The following MGMT variants were observed in gnomAD, a reference collection of about 807,000 sequenced individuals.
MGMT encodes the protein O-6-methylguanine-DNA methyltransferase.
In MGMT, 14 loss-of-function variants were observed where a neutral mutation model predicts 15.9. The ratio of observed to expected loss-of-function variants is 0.88; its 90% CI spans 0.58 to 1.37. The LOEUF is 1.37. MGMT is among the 40% of genes most tolerant of loss of function. The probability of loss-of-function intolerance (pLI) is 0.00; values close to 1 mark genes in which losing one functional copy is unlikely to be tolerated. For synonymous variants in MGMT, 130 were observed against 118.2 expected, an observed-to-expected ratio of 1.10 and a Z score of -0.65; for missense variants, 282 against 268.1, an observed-to-expected ratio of 1.05 and a Z score of -0.36.
At chr10:129,711,720 A>G (rs554601264) in intron 3 of MGMT, among the ~76,000 whole-genome samples, 4 of 152,270 alleles carry the variant, frequency 2.6e-5, no homozygotes, top group East Asian at 1.9e-4. Flanking sequence ...TGTGTGACCG[A>G]GGGCTAGCAT....
chr10:129,517,622 A>G (rs774030503), intron 1 of MGMT, among the ~76,000 whole-genome samples: 6 of 152,200 alleles, frequency 3.9e-5, no homozygotes, highest in Non-Finnish European at 8.8e-5. Flanking sequence ...ATGAGGCCGT[A>G]TGTCGCACAA....
chr10:129,529,012 G>A (rs983499792), intron 1 of MGMT, among the ~76,000 whole-genome samples: 3 of 152,100 alleles, frequency 2.0e-5, no homozygotes, highest in Non-Finnish European at 4.4e-5. Flanking sequence ...AGAAAGAAGG[G>A]GTGGAGGTGG....
intron 2 of MGMT, among the ~76,000 whole-genome samples, chr10:129,563,202 A>G (rs942266466): frequency 1.3e-5 from 2 of 152,228 alleles, no homozygotes; most frequent in Non-Finnish European, 2.9e-5. Flanking sequence ...TAGCCCCATC[A>G]TAAGTCGAGG....
chr10:129,608,376 G>T (rs949916576), intron 2 of MGMT, among the ~76,000 whole-genome samples: 1 of 152,226 alleles, frequency 6.6e-6, no homozygotes, highest in Non-Finnish European at 1.5e-5. Context: ...CGCCGCAGCT[G>T]CGTCGGTGGG....
intron 2 of MGMT, among the ~76,000 whole-genome samples, chr10:129,622,476 T>C (rs67699430): frequency 0.25 from 37,391 of 152,204 alleles, 4,856 homozygotes; most frequent in Non-Finnish European, 0.28. Flanking sequence ...TTACACGGTA[T>C]TGAATCATGT....
chr10:129,588,779 A>G (rs951105582), intron 2 of MGMT, among the ~76,000 whole-genome samples: 1 of 152,246 alleles, frequency 6.6e-6, no homozygotes, highest in East Asian at 1.9e-4. Context: ...AACACGCAGC[A>G]TCATGCAAAC....
intron 4 of MGMT, among the ~76,000 whole-genome samples, chr10:129,766,480 C>T (rs565765532): frequency 1.7e-3 from 254 of 152,320 alleles, no homozygotes; most frequent in African/African-American, 5.2e-3. Flanking sequence ...TATTACTCAC[C>T]GGATGAAATT....
At chr10:129,496,402 T>C (rs1845521865) in intron 1 of MGMT, among the ~76,000 whole-genome samples, 1 of 152,192 alleles carries the variant, frequency 6.6e-6, no homozygotes, top group South Asian at 2.1e-4. Context: ...GAGAGACTAC[T>C]TTTATAACAA....
chr10:129,692,356 T>C (rs1225231068), intron 2 of MGMT, among the ~76,000 whole-genome samples: 1 of 152,168 alleles, frequency 6.6e-6, no homozygotes, highest in Admixed American at 6.5e-5. Flanking sequence ...CAGGGGCCTA[T>C]CAGGCGCCTT....
rs527536438 is a variant in MGMT at position 129,612,050 on chromosome 10, CAAATACATTAAG to C, written c.125+75683_125+75694del. On this transcript the variant is annotated intron_variant, in intron 2 of 4. Coordinates refer to ENST00000651593, the MANE Select transcript of MGMT (RefSeq NM_002412.5). Reference sequence around the variant, plus strand: ...ATTTAGGGAGACATGAGACATCAATCAAATACATTAAGAAATACATTGGTTTGGTCCAGAAAG... The same window carrying C: ...ATTTAGGGAGACATGAGACATCAATCAAATACATTGGTTTGGTCCAGAAAG... Among the ~76,000 whole-genome samples, 702 of 152,236 alleles carry C rather than the reference CAAATACATTAAG, an allele frequency of 4.6e-3. 6 individuals carry two copies. Among genetic ancestry groups the C allele is most frequent in the Non-Finnish European group, 7.8e-3 (532 of 68,024 alleles).
At chr10:129,690,855 G>T (rs948780941) in intron 2 of MGMT, among the ~76,000 whole-genome samples, 3 of 152,178 alleles carry the variant, frequency 2.0e-5, no homozygotes, top group African/African-American at 7.2e-5. Context: ...AGCACTGGAT[G>T]CAGAGTTTGG....
chr10:129,523,094 A>C (rs764928183), intron 1 of MGMT, among the ~76,000 whole-genome samples: 11 of 152,262 alleles, frequency 7.2e-5, no homozygotes, highest in Non-Finnish European at 1.6e-4. Flanking sequence ...TTTACTCCTC[A>C]TGACAGACTG....
intron 1 of MGMT, among the ~76,000 whole-genome samples, chr10:129,535,898 A>T (rs1021011087): frequency 6.6e-6 from 1 of 152,256 alleles, no homozygotes; most frequent in East Asian, 1.9e-4. Context: ...TTGTTTTAGT[A>T]AAACAAAGTT....
Position 129,756,026 on chromosome 10 carries a change from G to A in MGMT, c.275-3176G>A, listed in dbSNP as rs115135498. ...CCATGGCGTGGCATGAAAACACCTCGCATAAAAACCCAGTGTCTGTGACAC... is the reference window on the plus strand; with the variant it reads ...CCATGGCGTGGCATGAAAACACCTCACATAAAAACCCAGTGTCTGTGACAC... On this transcript the variant is annotated intron_variant, in intron 3 of 4. Coordinates refer to ENST00000651593, the MANE Select transcript of MGMT (RefSeq NM_002412.5). Among the ~76,000 whole-genome samples the A allele has an allele frequency of 5.1e-3, 778 of 152,268 alleles. 4 individuals carry two copies. The highest frequency in any genetic ancestry group is 0.018 in the African/African-American group (745 of 41,558).
At position 129,533,517 on chromosome 10, in the gene MGMT, G is replaced by A. The variant is rs1845954649; in HGVS notation, c.-12-2724G>A. ...GCTGTTTACTGCCAGTCTGCTGGGAGCTTTGACCCACCATCGTGCAGGGCG... is the reference window on the plus strand; with the variant it reads ...GCTGTTTACTGCCAGTCTGCTGGGAACTTTGACCCACCATCGTGCAGGGCG... On this transcript the variant is annotated intron_variant, in intron 1 of 4. Transcript: ENST00000651593. The surrounding 1 kb of genome is among the most constrained non-coding windows in gnomAD (Gnocchi z 4.5). Among the ~76,000 whole-genome samples, 1 of 152,202 alleles carries A rather than the reference G, an allele frequency of 6.6e-6. No individual in the cohort carries two copies.
chr10:129,765,568 TG>T (rs1367966476), intron 4 of MGMT, among the ~76,000 whole-genome samples: 1 of 152,022 alleles, frequency 6.6e-6, no homozygotes, highest in Non-Finnish European at 1.5e-5. Context: ...AGGCAGGGGG[TG>T]GGGGGCCAGT....
intron 2 of MGMT, among the ~76,000 whole-genome samples, chr10:129,550,444 GA>G: frequency 1.1e-5 from 1 of 90,028 alleles, no homozygotes; most frequent in Admixed American, 1.7e-4. Flanking sequence ...TCTGTGTTTT[GA>G]TTCTTTTTTT....
intron 1 of MGMT, among the ~76,000 whole-genome samples, chr10:129,477,649 G>A (rs1264806731): frequency 6.6e-6 from 1 of 152,222 alleles, no homozygotes; most frequent in Non-Finnish European, 1.5e-5. Flanking sequence ...GTGCAAGCCA[G>A]GAAAGGAGCC....
Position 129,768,538 on chromosome 10 carries a change from A to G in MGMT, c.*1541A>G, listed in dbSNP as rs532597042. On this transcript the variant is annotated 3_prime_UTR_variant, in exon 5 of 5. Coordinates refer to ENST00000651593, the MANE Select transcript of MGMT (RefSeq NM_002412.5). ...AAGGTGAGTGGGAAAAGCTGGGTGC[A>G]CTCTGCCCCAAAGGTGGTGCCCTGT... 1.2e-3 allele frequency among the ~76,000 whole-genome samples: 176 copies of G among 152,246 alleles called. 2 individuals are homozygous for G. Among genetic ancestry groups the G allele is most frequent in the African/African-American group, 4.0e-3 (168 of 41,548 alleles).
Sources: gnomAD v4.1 joint callset for allele counts (sites outside exome capture counted in the v4.1 genomes callset) on GRCh38, gnomAD v4.1.1 for gene constraint, Gnocchi (gnomAD v3.1) non-coding constraint, MANE v1.5 for transcripts, NCBI Gene and HGNC (gene_info 2026-07-23, HGNC 2026-07-21) for gene names.